Variants in SLC4A4 observed in about 807,000 individuals in gnomAD.
SLC4A4 encodes solute carrier family 4 member 4, also known as electrogenic sodium bicarbonate cotransporter 1.
SLC4A4 carries 27 observed loss-of-function variants against 111.5 expected under a neutral mutation model. That is an observed-to-expected ratio of 0.24 (90% confidence interval 0.18 to 0.33). The LOEUF (loss-of-function observed/expected upper bound fraction) is 0.33. Among genes scored for constraint, SLC4A4 ranks in the 10% least tolerant of loss-of-function variants. The pLI is 1.00. For missense variants in SLC4A4, 909 were observed against 1,315.5 expected (o/e 0.69, Z 4.78); for synonymous variants, 443 against 463.4 (o/e 0.96, Z 0.57).
At chr4:71,461,356 C>T (rs1244623113) in intron 12 of SLC4A4, among the ~76,000 whole-genome samples, 2 of 151,726 alleles carry the variant, frequency 1.3e-5, no homozygotes, top group African/African-American at 2.4e-5. Flanking sequence ...GCCTTTTTTC[C>T]CCTTCTGTTA....
At chr4:71,432,314 T>A (rs1577886987) in intron 7 of SLC4A4, among the ~76,000 whole-genome samples, 1 of 152,234 alleles carries the variant, frequency 6.6e-6, no homozygotes, top group East Asian at 1.9e-4. Flanking sequence ...TAACGGGAAC[T>A]CTCTCTGGAG....
chr4:71,179,905 G>C (rs1048957873), intron 2 of SLC4A4, among the ~76,000 whole-genome samples: 2 of 152,188 alleles, frequency 1.3e-5, no homozygotes, highest in Non-Finnish European at 2.9e-5. Context: ...TCAATCCGAA[G>C]CCAAAAGAAC....
chr4:71,417,339 G>A (rs1177174570), intron 7 of SLC4A4, among the ~76,000 whole-genome samples: 2 of 152,128 alleles, frequency 1.3e-5, no homozygotes, highest in Admixed American at 1.3e-4. Flanking sequence ...CAGGGAAGGT[G>A]GGGGGTAGTC....
chr4:71,112,816 C>A (rs894442928), intron 2 of SLC4A4, among the ~76,000 whole-genome samples: 1 of 152,064 alleles, frequency 6.6e-6, no homozygotes, highest in African/African-American at 2.4e-5. Flanking sequence ...GGAACCACTG[C>A]GTTAGGTAAT....
intron 2 of SLC4A4, among the ~76,000 whole-genome samples, chr4:71,241,504 A>C (rs560834464): frequency 6.6e-6 from 1 of 152,192 alleles, no homozygotes; most frequent in East Asian, 1.9e-4. Flanking sequence ...TTTTTTTCTA[A>C]AAAAACTGGG....
intron 12 of SLC4A4, among the ~76,000 whole-genome samples, chr4:71,458,010 A>G (rs1373462317): frequency 6.6e-6 from 1 of 151,920 alleles, no homozygotes; most frequent in Non-Finnish European, 1.5e-5. Flanking sequence ...GTTATGTTTT[A>G]TTTTTATTTT....
intron 13 of SLC4A4, among the ~76,000 whole-genome samples, chr4:71,466,955 GA>G (rs879359906): frequency 0.1 from 13,788 of 136,336 alleles, 1,173 homozygotes; most frequent in East Asian, 0.47. Context: ...GAGAGAGAGA[GA>G]GAGAGAGAGG....
intron 16 of SLC4A4, among the ~76,000 whole-genome samples, chr4:71,519,308 T>G (rs1732708348): frequency 6.6e-6 from 1 of 152,198 alleles, no homozygotes; most frequent in Admixed American, 6.5e-5. Flanking sequence ...CTCTTCAGAC[T>G]TAAAGAAATT....
chr4:71,302,155 A>AT (rs946359637), intron 3 of SLC4A4, among the ~76,000 whole-genome samples: 13 of 151,918 alleles, frequency 8.6e-5, no homozygotes, highest in Admixed American at 2.6e-4. Flanking sequence ...AATAGAGATG[A>AT]TTTTTTTTCA....
At chr4:71,514,935 C>A (rs528124764) in intron 16 of SLC4A4, among the ~76,000 whole-genome samples, 22 of 151,904 alleles carry the variant, frequency 1.4e-4, no homozygotes, top group African/African-American at 5.1e-4. Context: ...TTTGAAGAAC[C>A]AACTTTTTGT....
chr4:71,297,889 G>A (rs1724935383), intron 3 of SLC4A4, among the ~76,000 whole-genome samples: 1 of 152,048 alleles, frequency 6.6e-6, no homozygotes, highest in Admixed American at 6.6e-5. Context: ...TGCCCAGCCA[G>A]CATTGGTAAA....
At chr4:71,196,559 T>C (rs1746008885) in intron 1 of SLC4A4, among the ~76,000 whole-genome samples, 1 of 152,102 alleles carries the variant, frequency 6.6e-6, no homozygotes, top group Admixed American at 6.5e-5. Flanking sequence ...GTTTTCTGCT[T>C]TGCACTGCCC....
chr4:71,385,655 T>C (rs1718647231), intron 6 of SLC4A4, among the ~76,000 whole-genome samples: 1 of 152,202 alleles, frequency 6.6e-6, no homozygotes, highest in Admixed American at 6.5e-5. Flanking sequence ...CATTTTCTTT[T>C]GGGTAGTTTT....
intron 15 of SLC4A4, among the ~76,000 whole-genome samples, chr4:71,490,649 AAGAGAGGC>A (rs1177741236): frequency 4.6e-5 from 7 of 151,722 alleles, no homozygotes; most frequent in African/African-American, 1.7e-4. Flanking sequence ...CCTTACACTT[AAGAGAGGC>A]TCCATGTATC....
intron 3 of SLC4A4, among the ~76,000 whole-genome samples, chr4:71,260,905 G>A (rs1721808991): frequency 1.3e-5 from 2 of 152,160 alleles, no homozygotes; most frequent in Admixed American, 6.5e-5. Context: ...ATTATTTTGA[G>A]TTACTATGAT....
chr4:71,557,029 A>T (rs150687139), intron 21 of SLC4A4, among the ~76,000 whole-genome samples: 2 of 152,050 alleles, frequency 1.3e-5, no homozygotes, highest in East Asian at 3.9e-4. Flanking sequence ...ACAGATGCTC[A>T]GTAGTTATTT....
At chr4:71,503,052 G>A (rs926086528) in intron 16 of SLC4A4, among the ~76,000 whole-genome samples, 8 of 152,026 alleles carry the variant, frequency 5.3e-5, no homozygotes, top group African/African-American at 9.6e-5. Flanking sequence ...TTATTGAATC[G>A]ATTCTTTTAT....
intron 2 of SLC4A4, among the ~76,000 whole-genome samples, chr4:71,242,824 T>C (rs1345814482): frequency 6.6e-6 from 1 of 152,156 alleles, no homozygotes; most frequent in East Asian, 1.9e-4. Context: ...AAATATTGTT[T>C]ACTTGCTTAA....
At chr4:71,266,751 A>G (rs930665529) in intron 3 of SLC4A4, among the ~76,000 whole-genome samples, 3 of 152,174 alleles carry the variant, frequency 2.0e-5, no homozygotes, top group African/African-American at 7.2e-5. Context: ...TAGCCACTGT[A>G]ACAGGATGAG....
Sources: allele counts gnomAD v4.1 joint callset (sites outside exome capture counted in the v4.1 genomes callset), GRCh38; gene constraint gnomAD v4.1.1; transcripts MANE v1.5; gene names NCBI Gene and HGNC (gene_info 2026-07-23, HGNC 2026-07-21).